Variants in GRIK4 observed in about 807,000 individuals in gnomAD.
The protein encoded by GRIK4 is glutamate ionotropic receptor kainate type subunit 4.
GRIK4 carries 40 observed loss-of-function variants against 104.9 expected under a neutral mutation model. The ratio of observed to expected loss-of-function variants is 0.38; its 90% CI spans 0.30 to 0.50. The LOEUF (loss-of-function observed/expected upper bound fraction) is 0.50, where lower values mean the gene tolerates loss of function less well. GRIK4 is among the 20% of genes least tolerant of loss of function. GRIK4 has a pLI of 0.93. For missense variants in GRIK4, 1,047 were observed against 1,308.1 expected (o/e 0.80, Z 3.08); for synonymous variants, 485 against 524.9 (o/e 0.92, Z 1.04).
At chr11:120,670,534 G>A (rs1208743650) in intron 3 of GRIK4, among the ~76,000 whole-genome samples, 2 of 152,172 alleles carry the variant, frequency 1.3e-5, no homozygotes, top group Non-Finnish European at 2.9e-5. Flanking sequence ...CACCAAGTGT[G>A]CTCCTGCCCC....
intron 1 of GRIK4, among the ~76,000 whole-genome samples, chr11:120,582,304 G>A (rs1565559976): frequency 6.7e-6 from 1 of 149,854 alleles, no homozygotes; most frequent in East Asian, 1.9e-4. Flanking sequence ...GTATATATGT[G>A]TATATATATA....
intron 1 of GRIK4, among the ~76,000 whole-genome samples, chr11:120,572,913 C>G (rs1416609010): frequency 6.6e-6 from 1 of 152,136 alleles, no homozygotes; most frequent in Non-Finnish European, 1.5e-5. Flanking sequence ...AAGCCAGAGG[C>G]CTTAGTAATC....
chr11:120,835,667 G>A (rs930487461), intron 7 of GRIK4, among the ~76,000 whole-genome samples: 5 of 152,122 alleles, frequency 3.3e-5, no homozygotes, highest in Non-Finnish European at 5.9e-5. Context: ...ATGACAAAAC[G>A]GGTCTCCCAG....
Position 120,637,351 on chromosome 11 carries a change from G to GT in GRIK4, c.-158-16326dup, listed in dbSNP as rs201010060. ...CAGGGTGCCCTGGTGGGACAGGCTT[G>GT]TTTTTTTTCCCCCCTGGCACTTGGC... On this transcript the variant is annotated intron_variant, in intron 1 of 20. Coordinates refer to ENST00000527524, the MANE Select transcript of GRIK4 (RefSeq NM_014619.5). Among the ~76,000 whole-genome samples, 527 of 152,086 alleles carry GT rather than the reference G, an allele frequency of 3.5e-3. 2 individuals are homozygous for GT. The highest frequency in any genetic ancestry group is 5.8e-3 in the Non-Finnish European group (392 of 67,982).
At chr11:120,712,937 T>G (rs1217246356) in intron 3 of GRIK4, among the ~76,000 whole-genome samples, 6 of 152,350 alleles carry the variant, frequency 3.9e-5, no homozygotes, top group Admixed American at 3.3e-4. Context: ...CTTTTGCTGG[T>G]CTGTTATTGT....
At chr11:120,884,069 C>T (rs993952549) in intron 11 of GRIK4, among the ~76,000 whole-genome samples, 20 of 152,148 alleles carry the variant, frequency 1.3e-4, no homozygotes, top group Admixed American at 9.2e-4. Context: ...CAGCAGGCAG[C>T]GTGGGGCACT....
chr11:120,631,619 G>C lies in GRIK4; in HGVS notation c.-158-22066G>C, dbSNP rs533501477. Among the ~76,000 whole-genome samples, 3 of 152,274 alleles carry C rather than the reference G, an allele frequency of 2.0e-5. No individual in the cohort carries two copies. In the South Asian group the frequency reaches 6.2e-4, roughly 32 times the overall value. On this transcript the variant is annotated intron_variant, in intron 1 of 20. Transcript: ENST00000527524. ...GAGTGAGAGGGGACAGAGGCCTTTG[G>C]GGGCAATGAGGTCAGGAGAGTCTTC...
At chr11:120,596,006 T>A (rs1948797262) in intron 1 of GRIK4, among the ~76,000 whole-genome samples, 1 of 151,996 alleles carries the variant, frequency 6.6e-6, no homozygotes, top group South Asian at 2.1e-4. Flanking sequence ...GCCACCACGG[T>A]CAGCTAATTT....
At chr11:120,964,066 C>G (rs1944342306) in intron 18 of GRIK4, among the ~76,000 whole-genome samples, 2 of 151,012 alleles carry the variant, frequency 1.3e-5, no homozygotes, top group Non-Finnish European at 3.0e-5. Context: ...TATCTAGGCT[C>G]ACTGCAACCT....
chr11:120,901,306 C>G (rs1380442273), intron 12 of GRIK4, among the ~76,000 whole-genome samples: 1 of 149,172 alleles, frequency 6.7e-6, no homozygotes, highest in Non-Finnish European at 1.5e-5. Context: ...GGCTCAAGAC[C>G]TGCTCGCTGC....
chr11:120,552,994 C>T (rs889979062), intron 1 of GRIK4, among the ~76,000 whole-genome samples: 5 of 142,482 alleles, frequency 3.5e-5, no homozygotes, highest in Non-Finnish European at 4.5e-5. Flanking sequence ...AGTGAGACTC[C>T]GTCTCAAAAA....
chr11:120,963,965 GTTTT>G (rs1161642381), intron 18 of GRIK4, among the ~76,000 whole-genome samples: 2,685 of 100,788 alleles, frequency 0.027, 84 homozygotes, highest in African/African-American at 0.084. Context: ...GGTTTCCTAT[GTTTT>G]TATTTATTTA....
chr11:120,682,190 A>G (rs1950203189), intron 3 of GRIK4, among the ~76,000 whole-genome samples: 1 of 152,152 alleles, frequency 6.6e-6, no homozygotes, highest in South Asian at 2.1e-4. Context: ...TTGAAATGCA[A>G]ATCCTGGTGT....
rs184681820 is a variant in GRIK4, at chr11:120,639,808, C to A, written c.-158-13877C>A. On this transcript the variant is annotated intron_variant, in intron 1 of 20. Transcript: ENST00000527524. ...TCTTTTCAAATTGCAGTCAGAGTGA[C>A]CTTTCCATAAGAAATTCTGGTTATG... is the stretch of plus-strand genomic sequence containing the variant. 1.3e-4 allele frequency among the ~76,000 whole-genome samples: 20 copies of A among 152,318 alleles called. No homozygotes were observed. In the East Asian group the frequency reaches 3.5e-3, roughly 26 times the overall value.
intron 1 of GRIK4, among the ~76,000 whole-genome samples, chr11:120,538,346 C>A (rs1384370793): frequency 6.6e-6 from 1 of 152,084 alleles, no homozygotes; most frequent in Non-Finnish European, 1.5e-5. Context: ...TCAGGGAACT[C>A]AAAAATGTCC....
At chr11:120,678,953 T>C (rs1950148266) in intron 3 of GRIK4, among the ~76,000 whole-genome samples, 1 of 151,330 alleles carries the variant, frequency 6.6e-6, no homozygotes, top group African/African-American at 2.4e-5. Flanking sequence ...TTTTTGTTTG[T>C]TTGTTTTTGT....
intron 1 of GRIK4, among the ~76,000 whole-genome samples, chr11:120,594,179 C>T (rs543629908): frequency 1.2e-4 from 18 of 152,352 alleles, no homozygotes; most frequent in African/African-American, 4.3e-4. Context: ...CTATTCATTA[C>T]CCTTAGAATA....
intron 1 of GRIK4, among the ~76,000 whole-genome samples, chr11:120,550,532 GATA>G (rs1424244939): frequency 1.3e-5 from 2 of 152,088 alleles, no homozygotes; most frequent in African/African-American, 4.8e-5. Context: ...TGTAGGAGGG[GATA>G]CAGATATTGA....
chr11:120,792,235 CGTGTGT>C (rs557044477), intron 3 of GRIK4, among the ~76,000 whole-genome samples: 2 of 149,564 alleles, frequency 1.3e-5, no homozygotes, highest in African/African-American at 2.5e-5. Context: ...GCAGCAGCAC[CGTGTGT>C]GTGTGTGTGT....
Sources: allele counts gnomAD v4.1 joint callset (sites outside exome capture counted in the v4.1 genomes callset), GRCh38; gene constraint gnomAD v4.1.1; transcripts MANE v1.5; gene names NCBI Gene and HGNC (gene_info 2026-07-23, HGNC 2026-07-21).